Variants in TNKS observed in about 807,000 individuals in gnomAD.
TNKS encodes the protein tankyrase.
A neutral mutation model predicts 135.8 loss-of-function variants in TNKS; 72 were observed. That is an observed-to-expected ratio of 0.53 (90% CI 0.44 to 0.64). TNKS has a LOEUF of 0.64. TNKS is among the 30% of genes least tolerant of loss of function. The probability of loss-of-function intolerance (pLI) is 0.00; values close to 1 mark genes in which losing one functional copy is unlikely to be tolerated. For missense variants in TNKS, 1,769 were observed against 1,674.0 expected (o/e 1.06, Z -0.99); for synonymous variants, 849 against 649.3 (o/e 1.31, Z -4.68).
intron 3 of TNKS, among the ~76,000 whole-genome samples, chr8:9,657,219 T>G (rs1435799526): frequency 1.0e-3 from 125 of 125,582 alleles, no homozygotes; most frequent in Non-Finnish European, 1.7e-3. Context: ...GCCCCTCACC[T>G]CCCGGACGGG....
intron 2 of TNKS, among the ~76,000 whole-genome samples, chr8:9,608,311 A>G (rs1040338779): frequency 2.0e-5 from 3 of 152,218 alleles, no homozygotes; most frequent in African/African-American, 7.2e-5. Context: ...CAAAGGAATA[A>G]TATCTTAATG....
At chr8:9,585,533 G>C (rs956409605) in intron 2 of TNKS, among the ~76,000 whole-genome samples, 1 of 152,062 alleles carries the variant, frequency 6.6e-6, no homozygotes, top group Non-Finnish European at 1.5e-5. Flanking sequence ...TGCCTACAGA[G>C]GGAAAAAAAT....
At chr8:9,775,310 G>C (rs1421287299) in intron 26 of TNKS, among the ~76,000 whole-genome samples, 10 of 151,642 alleles carry the variant, frequency 6.6e-5, no homozygotes, top group African/African-American at 2.4e-4. Context: ...TAAAAGTACA[G>C]ACTGGTTACT....
chr8:9,645,561 T>C (rs569942074), intron 3 of TNKS, among the ~76,000 whole-genome samples: 1 of 152,172 alleles, frequency 6.6e-6, no homozygotes, highest in East Asian at 1.9e-4. Flanking sequence ...TTTTAAAAGA[T>C]TTGCAGGGAC....
chr8:9,666,338 A>G (rs1458040408), intron 3 of TNKS, among the ~76,000 whole-genome samples: 1 of 152,244 alleles, frequency 6.6e-6, no homozygotes, highest in Non-Finnish European at 1.5e-5. Flanking sequence ...TCTACTGGAC[A>G]GCACTTTTCA....
intron 3 of TNKS, among the ~76,000 whole-genome samples, chr8:9,638,328 T>C (rs1023261227): frequency 1.2e-4 from 18 of 152,250 alleles, no homozygotes; most frequent in African/African-American, 4.3e-4. Flanking sequence ...ATGTCAATGT[T>C]ACTTACTTTC....
intron 14 of TNKS, among the ~76,000 whole-genome samples, chr8:9,732,271 G>A (rs1222384815): frequency 6.6e-6 from 1 of 151,970 alleles, no homozygotes; most frequent in Non-Finnish European, 1.5e-5. Flanking sequence ...AAATTATTTT[G>A]TCTAGGCAAA....
rs763137366 is a variant in TNKS at position 9,571,388 on chromosome 8, ATAC to A, written c.674-8769_674-8767del. ...AAAGTAAAGGAATTGTAGTTTGGAT[ATAC>A]TGTGTTTGTTTTGAGGGATGATCTG... On this transcript the variant is annotated intron_variant, in intron 1 of 26. Coordinates refer to ENST00000310430, the MANE Select transcript of TNKS (RefSeq NM_003747.3). Among the ~76,000 whole-genome samples the A allele has an allele frequency of 4.3e-4, 65 of 152,290 alleles. 1 individual carries two copies. The highest frequency in any genetic ancestry group is 1.7e-3 in the South Asian group (8 of 4,832).
At chr8:9,773,367 G>A (rs1055506732) in intron 26 of TNKS, among the ~76,000 whole-genome samples, 2 of 152,058 alleles carry the variant, frequency 1.3e-5, no homozygotes, top group Non-Finnish European at 2.9e-5. Context: ...CACAGCATAA[G>A]AATATGGTTA....
intron 17 of TNKS, among the ~76,000 whole-genome samples, chr8:9,747,581 A>G (rs1241010259): frequency 2.0e-5 from 3 of 152,218 alleles, no homozygotes; most frequent in Non-Finnish European, 4.4e-5. Flanking sequence ...ATCTGATTGC[A>G]GTAGGTAGAA....
chr8:9,775,362 G>A (rs1001733612), intron 26 of TNKS, among the ~76,000 whole-genome samples: 2 of 149,778 alleles, frequency 1.3e-5, no homozygotes, highest in Non-Finnish European at 3.0e-5. Flanking sequence ...TTCAATCTTC[G>A]TTTCTTCCCA....
chr8:9,580,782 A>G (rs370534597), intron 2 of TNKS, among the ~76,000 whole-genome samples: 7 of 152,170 alleles, frequency 4.6e-5, no homozygotes, highest in African/African-American at 1.7e-4. Flanking sequence ...CTAGTATAGT[A>G]GTCCCCCCGC....
intron 3 of TNKS, among the ~76,000 whole-genome samples, chr8:9,636,348 G>A (rs1266440087): frequency 2.0e-5 from 3 of 151,398 alleles, no homozygotes; most frequent in Admixed American, 6.6e-5. Context: ...TAAGTTATGT[G>A]GTCATGCCAT....
intron 5 of TNKS, among the ~76,000 whole-genome samples, chr8:9,686,463 G>C (rs1007654627): frequency 1.3e-5 from 2 of 152,144 alleles, no homozygotes; most frequent in Non-Finnish European, 2.9e-5. Flanking sequence ...TGTTGGGGTG[G>C]TTTGTTATGT....
At chr8:9,725,598 C>A (rs531251014) in intron 12 of TNKS, among the ~76,000 whole-genome samples, 2 of 152,230 alleles carry the variant, frequency 1.3e-5, no homozygotes, top group Non-Finnish European at 2.9e-5. Flanking sequence ...AATCTTAGAT[C>A]TGAAAGATTT....
At position 9,556,259 on chromosome 8, in the gene TNKS, C is replaced by A; in HGVS notation, c.320C>A (p.Ala107Glu). The A allele has an allele frequency of 1.9e-6, 3 of 1,614,254 alleles. No individual in the cohort carries two copies. The highest frequency in any genetic ancestry group is 1.7e-6 in the Non-Finnish European group (2 of 1,180,036). ...CTVAAAPVVP[A>E]VSTSSAAGVA... ...GTCGCCGCCGCTCCCGTGGTCCCAG[C>A]GGTTTCTACTTCATCTGCCGCTGGG... The change falls in exon 1 of 27, where the codon GCG becomes GAG. Residue 107 changes from alanine (A) to glutamate (E), a missense_variant. Physicochemically the swap from Ala to Glu is moderately radical, Grantham distance 107. This residue lies in a region of TNKS where 450 missense variants were observed against 304.9 expected (regional missense o/e 1.48). Transcript: ENST00000310430.
At position 9,587,260 on chromosome 8, in the gene TNKS, C is replaced by T. The variant is rs369516478; in HGVS notation, c.898+6877C>T. Among the ~76,000 whole-genome samples, 13 of 152,068 alleles carry T rather than the reference C, an allele frequency of 8.5e-5. No individual in the cohort carries two copies. The East Asian group carries it at 2.5e-3, about 30-fold the overall frequency. Reference sequence around the variant, plus strand: ...GATATAATTTCAGATGGATTCAAGCCACCATTGGTGGCTTTGAAAAGAGAG... The same window carrying T: ...GATATAATTTCAGATGGATTCAAGCTACCATTGGTGGCTTTGAAAAGAGAG... On this transcript the variant is annotated intron_variant, in intron 2 of 26. Coordinates refer to ENST00000310430, the MANE Select transcript of TNKS (RefSeq NM_003747.3).
At chr8:9,724,328 C>G (rs1366414687) in intron 12 of TNKS, among the ~76,000 whole-genome samples, 1 of 152,066 alleles carries the variant, frequency 6.6e-6, no homozygotes, top group African/African-American at 2.4e-5. Context: ...TGGTGCATGC[C>G]TATGGTCCCA....
At chr8:9,655,883 G>A (rs1449209636) in intron 3 of TNKS, among the ~76,000 whole-genome samples, 1 of 152,158 alleles carries the variant, frequency 6.6e-6, no homozygotes. Flanking sequence ...ACAGAACAAA[G>A]CTGGACGGAG....
Sources: allele counts gnomAD v4.1 joint callset (sites outside exome capture counted in the v4.1 genomes callset), GRCh38; gene constraint gnomAD v4.1.1; regional missense constraint gnomAD v4.1.1; transcripts MANE v1.5; gene names NCBI Gene and HGNC (gene_info 2026-07-23, HGNC 2026-07-21).